Variants in REPS1 observed in about 807,000 individuals in gnomAD.
REPS1 encodes the protein ralBP1-associated Eps domain-containing protein 1.
Under a neutral mutation model 100.9 loss-of-function variants are expected in REPS1, and 39 were observed. That is an observed-to-expected ratio of 0.39 (90% CI 0.30 to 0.50). REPS1 has a LOEUF of 0.50. REPS1 is among the 20% of genes least tolerant of loss of function. The pLI, the probability that REPS1 is intolerant of heterozygous loss-of-function variation, is 0.86. For missense variants in REPS1, 821 were observed against 968.5 expected (o/e 0.85, Z 2.02); for synonymous variants, 324 against 340.3 (o/e 0.95, Z 0.53).
At chr6:138,925,659 TAAAA>T (rs5880412) in intron 10 of REPS1, among the ~76,000 whole-genome samples, 2 of 137,854 alleles carry the variant, frequency 1.5e-5, no homozygotes, top group African/African-American at 2.8e-5. Flanking sequence ...ATCCTTGTCT[TAAAA>T]AAAAAAAAAA....
rs1782395486 is a variant in REPS1 at position 138,943,432 on chromosome 6, T to C, written c.980+81A>G. 5.1e-5 allele frequency: 42 copies of C among 825,952 alleles called. No homozygotes were observed. The South Asian group carries it at 6.8e-4, about 13-fold the overall frequency. 51.2% of individuals were successfully genotyped at this position (825,952 alleles called of 1,614,324 possible). On this transcript the variant is annotated intron_variant, in intron 7 of 19. Coordinates refer to ENST00000450536, the MANE Select transcript of REPS1 (RefSeq NM_001286611.2). ...CATTCTTGAAGGGGTTAGTTGTTTA[T>C]TTTTTAAGGCTCTAAAATCTATCTG...
chr6:138,941,362 T>C lies in REPS1; in HGVS notation c.1108A>G (p.Lys370Glu). The C allele has an allele frequency of 6.2e-7, 1 of 1,614,116 alleles. No homozygotes were observed. Among genetic ancestry groups the C allele is most frequent in the Non-Finnish European group, 8.5e-7 (1 of 1,179,998 alleles). The change falls in exon 8 of 20, where the codon AAA becomes GAA. Residue 370 changes from lysine to glutamate, a missense_variant. Coordinates refer to ENST00000450536, the MANE Select transcript of REPS1 (RefSeq NM_001286611.2). ...GCTGAATCTTCCAAATCAATCAGTT[T>C]GGGCATTAAGCTTTCAGGAAGTTTT... The part of the protein sequence containing the change: ...PEKLPESLMP[K>E]LIDLEDSADV...
chr6:138,949,288 A>G (rs1214722918), intron 1 of REPS1, among the ~76,000 whole-genome samples: 1 of 152,238 alleles, frequency 6.6e-6, no homozygotes, highest in Non-Finnish European at 1.5e-5. Context: ...GTGTTCAAGA[A>G]GGGAAACAGA....
intron 17 of REPS1, among the ~76,000 whole-genome samples, chr6:138,909,208 T>C (rs1779852536): frequency 6.6e-6 from 1 of 152,162 alleles, no homozygotes; most frequent in Non-Finnish European, 1.5e-5. Context: ...TTCATCTTAG[T>C]GAATAAAATA....
At position 138,904,373 on chromosome 6, in the gene REPS1, G is replaced by A. The variant is rs565285020; in HGVS notation, c.*691C>T. On this transcript the variant is annotated 3_prime_UTR_variant, in exon 20 of 20. Transcript: ENST00000450536. ...AACAATACTTAAAAAAATTAAGAAAGGCCATTACTCATACCTATTTCATAA... is the reference window on the plus strand; with the variant it reads ...AACAATACTTAAAAAAATTAAGAAAAGCCATTACTCATACCTATTTCATAA... 5.3e-4 allele frequency: 80 copies of A among 152,228 alleles called. 1 individual carries two copies. The highest frequency in any genetic ancestry group is 1.9e-3 in the African/African-American group (77 of 41,542). The allele number at this position is 152,228 out of a possible 1,614,324, so 9.4% of individuals were successfully genotyped here. A position where few individuals can be genotyped will look rare whatever the true frequency, so the allele number is the denominator to read the frequency against.
chr6:138,955,277 C>T (rs1464608543), intron 1 of REPS1, among the ~76,000 whole-genome samples: 1 of 151,878 alleles, frequency 6.6e-6, no homozygotes, highest in Non-Finnish European at 1.5e-5. Context: ...TGGTGAGACC[C>T]TGTCTCTACA....
intron 2 of REPS1, among the ~76,000 whole-genome samples, chr6:138,947,035 G>GCTCTCTCTCTCTCTCTCTCTCT (rs10581264): frequency 7.3e-5 from 10 of 137,714 alleles, no homozygotes; most frequent in Admixed American, 2.2e-4. Flanking sequence ...ATTCCCCCTT[G>GCTCTCTCTCTCTCTCTCTCTCT]CTCTCTCTCT....
intron 8 of REPS1, among the ~76,000 whole-genome samples, chr6:138,937,013 C>T (rs1781891550): frequency 6.6e-6 from 1 of 152,216 alleles, no homozygotes; most frequent in South Asian, 2.1e-4. Flanking sequence ...TACAGTTCCA[C>T]ATGGCTGGGG....
At chr6:138,942,281 C>T (rs1782311314) in intron 7 of REPS1, among the ~76,000 whole-genome samples, 1 of 152,170 alleles carries the variant, frequency 6.6e-6, no homozygotes, top group African/African-American at 2.4e-5. Context: ...CTATAAATAG[C>T]ATGCATATAT....
chr6:138,956,049 C>T (rs188700620), intron 1 of REPS1, among the ~76,000 whole-genome samples: 5 of 152,242 alleles, frequency 3.3e-5, no homozygotes, highest in Middle Eastern at 3.4e-3. Context: ...CAAGAGTTAA[C>T]GCCTTTATGC....
intron 1 of REPS1, among the ~76,000 whole-genome samples, chr6:138,979,200 A>C (rs1377592783): frequency 2.8e-5 from 4 of 143,918 alleles, no homozygotes; most frequent in Non-Finnish European, 6.2e-5. Context: ...AAAAAAAACA[A>C]AAAAAAAAAA....
chr6:138,954,717 G>A (rs1374114575), intron 1 of REPS1, among the ~76,000 whole-genome samples: 3 of 152,132 alleles, frequency 2.0e-5, no homozygotes, highest in Non-Finnish European at 4.4e-5. Context: ...AATAAAAGGT[G>A]ATTACATAAG....
chr6:138,943,793 T>C (rs6899737), intron 6 of REPS1, 60 bp downstream of exon 6: 3 of 1,363,802 alleles, frequency 2.2e-6, no homozygotes, highest in South Asian at 2.6e-5. Flanking sequence ...ATGTCTTTGA[T>C]ATTATGAAAT....
intron 2 of REPS1, among the ~76,000 whole-genome samples, chr6:138,947,011 A>G (rs1379906276): frequency 5.4e-5 from 8 of 147,738 alleles, no homozygotes; most frequent in Non-Finnish European, 1.2e-4. Flanking sequence ...CTGATGGTTT[A>G]AATGTCTGTG....
chr6:138,935,762 G>A (rs1004101785), intron 8 of REPS1, among the ~76,000 whole-genome samples: 2 of 148,712 alleles, frequency 1.3e-5, no homozygotes, highest in Non-Finnish European at 3.0e-5. Context: ...GCTGAGGCAG[G>A]AGAATTGCTT....
chr6:138,954,175 G>C (rs937230703), intron 1 of REPS1, among the ~76,000 whole-genome samples: 6 of 151,894 alleles, frequency 4.0e-5, no homozygotes, highest in Non-Finnish European at 7.4e-5. Context: ...CCAAGGCTAC[G>C]AAGGGTAGAC....
chr6:138,959,680 T>G (rs939443957), intron 1 of REPS1, among the ~76,000 whole-genome samples: 2 of 152,196 alleles, frequency 1.3e-5, no homozygotes, highest in African/African-American at 4.8e-5. Context: ...TCACTATAAC[T>G]TCTATTGTTC....
chr6:138,983,530 T>C (rs973374522), intron 1 of REPS1, among the ~76,000 whole-genome samples: 4 of 152,232 alleles, frequency 2.6e-5, no homozygotes, highest in East Asian at 3.9e-4. Flanking sequence ...TCAAATGAGT[T>C]CTTCCATGAA....
chr6:138,970,796 G>A (rs1784303640), intron 1 of REPS1, among the ~76,000 whole-genome samples: 1 of 152,050 alleles, frequency 6.6e-6, no homozygotes, highest in South Asian at 2.1e-4. Flanking sequence ...AGATAAATCA[G>A]CAAATAAAAA....
Sources: allele counts gnomAD v4.1 joint callset (sites outside exome capture counted in the v4.1 genomes callset), GRCh38; gene constraint gnomAD v4.1.1; transcripts MANE v1.5; gene names NCBI Gene and HGNC (gene_info 2026-07-23, HGNC 2026-07-21).